Variants in CALN1 observed in about 807,000 individuals in gnomAD.
CALN1 encodes the protein calcium-binding protein 8.
CALN1 carries 17 observed loss-of-function variants against 30.6 expected under a neutral mutation model. That is an observed-to-expected ratio of 0.56 (90% CI 0.38 to 0.83). The LOEUF is 0.83. CALN1 is among the 40% of genes least tolerant of loss of function. CALN1 has a pLI of 0.00. For missense variants in CALN1, 291 were observed against 354.9 expected (o/e 0.82, Z 1.45); for synonymous variants, 156 against 131.4 (o/e 1.19, Z -1.28).
intron 2 of CALN1, among the ~76,000 whole-genome samples, chr7:72,308,783 G>A (rs1215570933): frequency 2.0e-5 from 3 of 152,014 alleles, no homozygotes; most frequent in Admixed American, 6.6e-5. Context: ...AGGTCGGTGG[G>A]GGCAGAACAA....
At chr7:72,181,176 G>T (rs541239986) in intron 3 of CALN1, among the ~76,000 whole-genome samples, 1 of 143,226 alleles carries the variant, frequency 7.0e-6, no homozygotes, top group African/African-American at 2.6e-5. Flanking sequence ...TACCATGGAA[G>T]TAAGTCTATA....
At chr7:72,443,444 A>G (rs1299958136) in intron 1 of CALN1, among the ~76,000 whole-genome samples, 1 of 152,188 alleles carries the variant, frequency 6.6e-6, no homozygotes, top group African/African-American at 2.4e-5. Flanking sequence ...CTTAGGATCT[A>G]ACCCCTGTCT....
rs969516191 is a variant in CALN1 at position 71,951,860 on chromosome 7, A to G, written c.501+71797T>C. Among the ~76,000 whole-genome samples, 44 of 152,098 alleles carry G rather than the reference A, an allele frequency of 2.9e-4. 1 individual carries two copies. Among genetic ancestry groups the G allele is most frequent in the Non-Finnish European group, 1.0e-4 (7 of 68,038 alleles). On this transcript the variant is annotated intron_variant, in intron 5 of 6. Coordinates refer to ENST00000395275, the MANE Select transcript of CALN1 (RefSeq NM_031468.4). ...AAGTCTTTGACTTTGAAATCATGCA[A>G]GCGACTTGCAGAATGGTGGATCTTC...
chr7:72,298,350 T>C (rs537312170), intron 2 of CALN1, among the ~76,000 whole-genome samples: 26 of 152,292 alleles, frequency 1.7e-4, no homozygotes, highest in South Asian at 1.2e-3. Flanking sequence ...CTCAAAGATG[T>C]AGGCCAGTGA....
At chr7:72,134,669 G>A (rs1354000796) in intron 3 of CALN1, among the ~76,000 whole-genome samples, 1 of 152,218 alleles carries the variant, frequency 6.6e-6, no homozygotes, top group Non-Finnish European at 1.5e-5. Context: ...AGAAGGTCTT[G>A]TCTAAATGCT....
intron 2 of CALN1, among the ~76,000 whole-genome samples, chr7:72,293,480 C>T (rs185848832): frequency 1.2e-4 from 19 of 152,278 alleles, no homozygotes; most frequent in Admixed American, 8.5e-4. Flanking sequence ...CTCTTTTTCC[C>T]GCCTTTTCAT....
At chr7:72,148,913 AAAG>A (rs1786990725) in intron 3 of CALN1, among the ~76,000 whole-genome samples, 2 of 150,168 alleles carry the variant, frequency 1.3e-5, no homozygotes, top group Non-Finnish European at 3.0e-5. Flanking sequence ...AAAACAAAAA[AAAG>A]AAAGAAAGAA....
chr7:72,214,951 A>T (rs1294108567), intron 3 of CALN1, among the ~76,000 whole-genome samples: 1 of 151,790 alleles, frequency 6.6e-6, no homozygotes, highest in Non-Finnish European at 1.5e-5. Flanking sequence ...TAGTTGCAGG[A>T]AAACAAGCTC....
At chr7:72,338,527 G>GTGTGTGTGTGTCTC (rs1190799242) in intron 2 of CALN1, among the ~76,000 whole-genome samples, 4 of 144,486 alleles carry the variant, frequency 2.8e-5, no homozygotes, top group African/African-American at 1.1e-4. Flanking sequence ...GTGTGTGTGT[G>GTGTGTGTGTGTCTC]TCTCACCTGG....
At chr7:72,309,722 A>C (rs1170705785) in intron 2 of CALN1, among the ~76,000 whole-genome samples, 2 of 152,136 alleles carry the variant, frequency 1.3e-5, no homozygotes, top group Non-Finnish European at 2.9e-5. Flanking sequence ...CCGGCCAAGA[A>C]AGACAGCGCT....
At chr7:72,218,628 G>T (rs565071945) in intron 3 of CALN1, among the ~76,000 whole-genome samples, 1 of 152,090 alleles carries the variant, frequency 6.6e-6, no homozygotes, top group East Asian at 1.9e-4. Context: ...TTCCAAAACC[G>T]AAACATCACT....
At chr7:71,857,953 C>T (rs746559661) in intron 5 of CALN1, among the ~76,000 whole-genome samples, 1 of 152,112 alleles carries the variant, frequency 6.6e-6, no homozygotes, top group African/African-American at 2.4e-5. Context: ...ACTGCAGAAT[C>T]CTGGCACTTA....
At chr7:72,268,219 G>A (rs1479181130) in intron 3 of CALN1, among the ~76,000 whole-genome samples, 1 of 152,104 alleles carries the variant, frequency 6.6e-6, no homozygotes. Flanking sequence ...GGATTTCCCA[G>A]GCAGACAAAG....
At chr7:72,454,601 GAACAA>G in the CALN1 span, among the ~76,000 whole-genome samples, 1 of 152,196 alleles carries the variant, frequency 6.6e-6, no homozygotes, top group Non-Finnish European at 1.5e-5. Context: ...AAAGCCCAGA[GAACAA>G]AACAGAAGTA....
At chr7:71,901,443 T>TA (rs1378240101) in intron 5 of CALN1, among the ~76,000 whole-genome samples, 1 of 109,498 alleles carries the variant, frequency 9.1e-6, no homozygotes, top group African/African-American at 3.5e-5. Flanking sequence ...AAAAAAAAAA[T>TA]AGAGCCAGAA....
intron 2 of CALN1, among the ~76,000 whole-genome samples, chr7:72,396,616 C>T (rs1466970810): frequency 1.3e-5 from 2 of 151,886 alleles, no homozygotes; most frequent in African/African-American, 4.8e-5. Flanking sequence ...GGGAAAGGAC[C>T]GTCCTCTACT....
At chr7:72,058,189 C>T (rs1327647394) in intron 4 of CALN1, among the ~76,000 whole-genome samples, 7 of 152,044 alleles carry the variant, frequency 4.6e-5, no homozygotes, top group South Asian at 2.1e-4. Flanking sequence ...CCAGATGAGA[C>T]CCTGGATGAT....
At chr7:72,299,859 G>C (rs906659691) in intron 2 of CALN1, among the ~76,000 whole-genome samples, 3 of 151,752 alleles carry the variant, frequency 2.0e-5, no homozygotes, top group African/African-American at 7.3e-5. Flanking sequence ...TTCAATGGGG[G>C]AGAGTTTTTG....
chr7:72,314,416 T>C (rs375169157), intron 2 of CALN1, among the ~76,000 whole-genome samples: 5 of 146,182 alleles, frequency 3.4e-5, no homozygotes, highest in African/African-American at 1.2e-4. Flanking sequence ...CACATATATA[T>C]ACACACATAC....
Sources: allele counts gnomAD v4.1 joint callset (sites outside exome capture counted in the v4.1 genomes callset), GRCh38; gene constraint gnomAD v4.1.1; transcripts MANE v1.5; gene names NCBI Gene and HGNC (gene_info 2026-07-23, HGNC 2026-07-21).